Variants in NCAM1 observed in about 807,000 individuals in gnomAD.
NCAM1 encodes antigen recognized by monoclonal antibody 5.1H11.
Under a neutral mutation model 109.8 loss-of-function variants are expected in NCAM1, and 14 were observed. The ratio of observed to expected loss-of-function variants is 0.13; its 90% CI spans 0.08 to 0.20. The LOEUF (loss-of-function observed/expected upper bound fraction) is 0.20, where lower values mean the gene tolerates loss of function less well. NCAM1 is among the 10% of genes least tolerant of loss of function. The pLI, the probability that NCAM1 is intolerant of heterozygous loss-of-function variation, is 1.00. For missense variants in NCAM1, 774 were observed against 1,109.9 expected (o/e 0.70, Z 4.30); for synonymous variants, 418 against 442.9 (o/e 0.94, Z 0.70).
chr11:113,268,717 A>C (rs1946196699), intron 17 of NCAM1, among the ~76,000 whole-genome samples: 1 of 152,072 alleles, frequency 6.6e-6, no homozygotes, highest in African/African-American at 2.4e-5. Context: ...AAAAACAAAA[A>C]ATGTGTGGCC....
At chr11:113,265,386 C>T (rs1946117437) in intron 17 of NCAM1, among the ~76,000 whole-genome samples, 1 of 152,172 alleles carries the variant, frequency 6.6e-6, no homozygotes, top group Non-Finnish European at 1.5e-5. Flanking sequence ...TGTTAAGAGG[C>T]ATTGCTGCCT....
chr11:113,133,262 A>G (rs563782555), intron 1 of NCAM1: 2 of 152,168 alleles, frequency 1.3e-5, no homozygotes, highest in African/African-American at 2.4e-5. Context: ...AAATATCTCT[A>G]TGTTTTGTTA....
rs57471171 is a variant in NCAM1 at position 113,028,347 on chromosome 11, C to CA, written c.52+66693dup. ...TTATAAACACGTTTTTTGAACTTGT[C>CA]AAAAAAAAAAGAATAGAATGGGAAG... On this transcript the variant is annotated intron_variant, in intron 1 of 19. Coordinates refer to ENST00000316851, the MANE Select transcript of NCAM1 (RefSeq NM_181351.5). 1.2e-3 allele frequency among the ~76,000 whole-genome samples: 168 copies of CA among 144,022 alleles called. 1 individual carries two copies. Among genetic ancestry groups the CA allele is most frequent in the Admixed American group, 5.5e-3 (80 of 14,464 alleles). The allele number at this position is 144,022 out of a possible 152,430, so 94.5% of individuals were successfully genotyped here.
intron 1 of NCAM1, among the ~76,000 whole-genome samples, chr11:112,993,597 T>G (rs782083369): frequency 5.9e-5 from 9 of 152,208 alleles, no homozygotes; most frequent in Non-Finnish European, 1.2e-4. Flanking sequence ...TTTTTGTCAT[T>G]CTTCTTCCAA....
At chr11:113,061,965 T>C (rs1268968684) in intron 1 of NCAM1, among the ~76,000 whole-genome samples, 3 of 152,214 alleles carry the variant, frequency 2.0e-5, no homozygotes, top group African/African-American at 2.4e-5. Context: ...GAGGACCTAG[T>C]CTGTTGCTGT....
At chr11:113,205,485 A>G (rs1555112689) in intron 3 of NCAM1, 38 bp from the exon 4 acceptor site, 1 of 1,587,682 alleles carries the variant, frequency 6.3e-7, no homozygotes, top group East Asian at 2.3e-5. Flanking sequence ...TTGTGAGAGA[A>G]GCAGCTGTTT....
intron 1 of NCAM1, among the ~76,000 whole-genome samples, chr11:112,992,507 T>C (rs1951487751): frequency 6.7e-6 from 1 of 149,152 alleles, no homozygotes; most frequent in Non-Finnish European, 1.5e-5. Context: ...TTTTTTCTTT[T>C]TTTTTTTTTT....
chr11:113,072,281 T>G (rs1938305442), intron 1 of NCAM1, among the ~76,000 whole-genome samples: 1 of 152,256 alleles, frequency 6.6e-6, no homozygotes, highest in Admixed American at 6.5e-5. Flanking sequence ...AGAATGAATT[T>G]GGAATAATCA....
chr11:113,269,865 C>T, intron 17 of NCAM1: 1 of 404,898 alleles, frequency 2.5e-6, no homozygotes, highest in Non-Finnish European at 4.6e-6. Flanking sequence ...CACAGCAGCG[C>T]CCTCCAACTG....
intron 1 of NCAM1, among the ~76,000 whole-genome samples, chr11:113,081,956 A>G (rs1267519297): frequency 1.3e-5 from 2 of 152,240 alleles, no homozygotes; most frequent in African/African-American, 2.4e-5. Context: ...CAAAATTTGT[A>G]TGCCATATAC....
chr11:113,205,484 A>T, intron 3 of NCAM1, 39 bp from the exon 4 acceptor site: 1 of 1,586,478 alleles, frequency 6.3e-7, no homozygotes, highest in Non-Finnish European at 8.6e-7. Context: ...TTTGTGAGAG[A>T]AGCAGCTGTT....
intron 5 of NCAM1, among the ~76,000 whole-genome samples, chr11:113,206,556 A>G (rs1488732706): frequency 6.6e-6 from 1 of 152,202 alleles, no homozygotes; most frequent in Non-Finnish European, 1.5e-5. Flanking sequence ...AGGCCTCAGA[A>G]TAGTCAGAAT....
At chr11:113,261,464 T>C (rs1945995879) in intron 17 of NCAM1, among the ~76,000 whole-genome samples, 1 of 152,110 alleles carries the variant, frequency 6.6e-6, no homozygotes, top group African/African-American at 2.4e-5. Context: ...GAAGCATCAA[T>C]TGGTCCACCC....
intron 18 of NCAM1, among the ~76,000 whole-genome samples, chr11:113,270,708 T>G (rs1430788001): frequency 3.3e-5 from 5 of 152,052 alleles, no homozygotes; most frequent in Admixed American, 3.3e-4. Context: ...GGAGCTGCCA[T>G]GGGGTAGGGC....
At chr11:113,248,938 G>A (rs1298598935) in intron 15 of NCAM1, among the ~76,000 whole-genome samples, 1 of 152,068 alleles carries the variant, frequency 6.6e-6, no homozygotes, top group African/African-American at 2.4e-5. Context: ...GTCACTGCAG[G>A]GCTTCCTCCA....
At chr11:113,260,739 A>G (rs1555123184) in intron 17 of NCAM1, among the ~76,000 whole-genome samples, 2 of 152,092 alleles carry the variant, frequency 1.3e-5, no homozygotes, top group South Asian at 2.1e-4. Flanking sequence ...TGCTTGCTTT[A>G]TGAGCACAGC....
chr11:113,214,236 A>G (rs1397244750), intron 7 of NCAM1, 133 bp from the exon 8 acceptor site: 2 of 843,424 alleles, frequency 2.4e-6, no homozygotes, highest in African/African-American at 1.7e-5. Context: ...TCAGGTCTGC[A>G]TCTCCTAAAA....
rs1555068976 is a variant in NCAM1 at position 112,982,865 on chromosome 11, C to T, written c.52+21201C>T. The stretch of plus-strand genomic sequence containing the variant: ...GTCTAGGAAGAAAAGCCAGGTATAC[C>T]GCTGGAAATAGAAGTCTGCAGTTTT... On this transcript the variant is annotated intron_variant, in intron 1 of 19. Coordinates refer to ENST00000316851, the MANE Select transcript of NCAM1 (RefSeq NM_181351.5). Among the ~76,000 whole-genome samples, 9 of 151,636 alleles carry T rather than the reference C, an allele frequency of 5.9e-5. No individual in the cohort carries two copies. In the South Asian group the frequency reaches 6.2e-4, roughly 11 times the overall value.
At chr11:113,110,740 T>G (rs1555093517) in intron 1 of NCAM1, among the ~76,000 whole-genome samples, 1 of 152,156 alleles carries the variant, frequency 6.6e-6, no homozygotes, top group Non-Finnish European at 1.5e-5. Context: ...CGAAATGTCT[T>G]GAATTTAGTT....
Sources: allele counts gnomAD v4.1 joint callset (sites outside exome capture counted in the v4.1 genomes callset), GRCh38; gene constraint gnomAD v4.1.1; transcripts MANE v1.5; gene names NCBI Gene and HGNC (gene_info 2026-07-23, HGNC 2026-07-21).